RAB22A: variants seen among roughly 807,000 people sequenced by gnomAD.
RAB22A encodes the protein RAB22A, member RAS oncogene family.
A neutral mutation model predicts 30.2 loss-of-function variants in RAB22A; 13 were observed. The observed-to-expected ratio is 0.43, with a 90% CI of 0.28 to 0.68. The LOEUF is 0.68. RAB22A is among the 30% of genes least tolerant of loss of function. RAB22A has a pLI of 0.18. For missense variants in RAB22A, 177 were observed against 246.8 expected, an observed-to-expected ratio of 0.72 and a Z score of 1.89; for synonymous variants, 89 against 87.2, an observed-to-expected ratio of 1.02 and a Z score of -0.11.
At chr20:58,310,158 G>A in intron 1 of RAB22A, 146 bp downstream of exon 1, 2 of 823,118 alleles carry the variant, frequency 2.4e-6, no homozygotes, top group Non-Finnish European at 3.2e-6. Context: ...CAGCTCGGGA[G>A]CCGTCCCGCC....
Position 58,309,886 on chromosome 20 carries a change from G to A in RAB22A, c.-91G>A, listed in dbSNP as rs1369097266. On this transcript the variant is annotated 5_prime_UTR_variant, in exon 1 of 7. Transcript: ENST00000244040. The stretch of plus-strand genomic sequence containing the variant: ...GCGGACCGGGGCTGGGCCGTGCGGC[G>A]GCAGCGGCGCCAGGGGATGCTCTTG... 1.0e-5 allele frequency: 12 copies of A among 1,190,608 alleles called. No homozygotes were observed. Among genetic ancestry groups the A allele is most frequent in the Non-Finnish European group, 1.2e-5 (11 of 937,810 alleles). The allele number at this position is 1,190,608 out of a possible 1,614,324, so 73.8% of individuals were successfully genotyped here.
chr20:58,351,493 C>T (rs184761594), intron 3 of RAB22A, among the ~76,000 whole-genome samples: 13 of 151,618 alleles, frequency 8.6e-5, no homozygotes, highest in Admixed American at 3.9e-4. Flanking sequence ...AGGAAAAGAA[C>T]GGAGGAGCAG....
At chr20:58,314,057 T>C in intron 2 of RAB22A, among the ~76,000 whole-genome samples, 1 of 151,652 alleles carries the variant, frequency 6.6e-6, no homozygotes, top group East Asian at 1.9e-4. Flanking sequence ...CTTTTTCTTT[T>C]TTTTTTTTTG....
chr20:58,363,793 G>A lies in RAB22A; in HGVS notation c.*4090G>A, dbSNP rs2122979136. 1 of 152,148 alleles carries A rather than the reference G, an allele frequency of 6.6e-6. No homozygotes were observed. Among genetic ancestry groups the A allele is most frequent in the African/African-American group, 2.4e-5 (1 of 41,498 alleles). 9.4% of individuals were successfully genotyped at this position (152,148 alleles called of 1,614,324 possible). A position where few individuals can be genotyped will look rare whatever the true frequency, so the allele number is the denominator to read the frequency against. ...CAAAAGGATTTTTAAATGATTCAAG[G>A]TAATGTTTAGGATATTTGTTTTAAC... is the stretch of plus-strand genomic sequence containing the variant. On this transcript the variant is annotated 3_prime_UTR_variant, in exon 7 of 7. Transcript: ENST00000244040.
intron 2 of RAB22A, among the ~76,000 whole-genome samples, chr20:58,318,356 C>T (rs1986384807): frequency 6.6e-6 from 1 of 152,058 alleles, no homozygotes; most frequent in Non-Finnish European, 1.5e-5. Context: ...ATTTTTTCTC[C>T]AAATTTTTTC....
Position 58,350,933 on chromosome 20 carries a change from G to A in RAB22A, c.199-2340G>A, listed in dbSNP as rs369582657. ...ATAGTTTATAGCATATATAGATTTA[G>A]ATTATTTGACAGTGGTAGTACAAAG... On this transcript the variant is annotated intron_variant, in intron 3 of 6. Transcript: ENST00000244040. Among the ~76,000 whole-genome samples, 26 of 152,338 alleles carry A rather than the reference G, an allele frequency of 1.7e-4. No individual in the cohort carries two copies. The East Asian group carries it at 2.1e-3, about 12-fold the overall frequency.
Position 58,365,460 on chromosome 20 carries a change from A to G in RAB22A, c.*5757A>G, listed in dbSNP as rs1454583015. The G allele has an allele frequency of 6.6e-6, 1 of 152,238 alleles. No individual in the cohort carries two copies. Among genetic ancestry groups the G allele is most frequent in the Non-Finnish European group, 1.5e-5 (1 of 68,042 alleles). The allele number at this position is 152,238 out of a possible 1,614,324, so 9.4% of individuals were successfully genotyped here. ...AATTTTTAATTAAGTTTATACTTGAATAATCAGTTTTACTCCTGAAAAATT... is the reference window on the plus strand; with the variant it reads ...AATTTTTAATTAAGTTTATACTTGAGTAATCAGTTTTACTCCTGAAAAATT... On this transcript the variant is annotated 3_prime_UTR_variant, in exon 7 of 7. Transcript: ENST00000244040.
At chr20:58,348,382 A>G (rs1253120014) in intron 3 of RAB22A, among the ~76,000 whole-genome samples, 1 of 152,228 alleles carries the variant, frequency 6.6e-6, no homozygotes, top group African/African-American at 2.4e-5. Context: ...CACAGTAGTC[A>G]TGTAAGGAAT....
intron 3 of RAB22A, among the ~76,000 whole-genome samples, chr20:58,347,205 T>G (rs1463087614): frequency 2.6e-4 from 39 of 152,324 alleles, no homozygotes; most frequent in Non-Finnish European, 2.5e-4. Flanking sequence ...ACCTCCCCAT[T>G]TGACATCTTG....
intron 2 of RAB22A, among the ~76,000 whole-genome samples, chr20:58,323,127 A>G (rs1986491772): frequency 6.6e-6 from 1 of 152,204 alleles, no homozygotes; most frequent in Admixed American, 6.5e-5. Context: ...CATATATATT[A>G]GGATTCTTGA....
intron 6 of RAB22A, among the ~76,000 whole-genome samples, chr20:58,358,010 C>G (rs577353918): frequency 6.6e-6 from 1 of 152,316 alleles, no homozygotes; most frequent in Admixed American, 6.5e-5. Flanking sequence ...CCTAGAAGAG[C>G]TTAGGGTCTA....
rs1452643737 is a variant in RAB22A at position 58,309,793 on chromosome 20, G to A, written c.-184G>A. 1 of 439,918 alleles carries A rather than the reference G, an allele frequency of 2.3e-6. No individual in the cohort carries two copies. Among genetic ancestry groups the A allele is most frequent in the African/African-American group, 2.1e-5 (1 of 48,050 alleles). The allele number at this position is 439,918 out of a possible 1,614,324, so 27.3% of individuals were successfully genotyped here. A position where few individuals can be genotyped will look rare whatever the true frequency, so the allele number is the denominator to read the frequency against. On this transcript the variant is annotated 5_prime_UTR_variant, in exon 1 of 7. Transcript: ENST00000244040. ...GCGGCGGCGTCCCGGCTGCTAAGGCGGGCCCCACGCGGCTGGCAGCGGACA... is the reference window on the plus strand; with the variant it reads ...GCGGCGGCGTCCCGGCTGCTAAGGCAGGCCCCACGCGGCTGGCAGCGGACA...
chr20:58,310,275 C>T (rs993896325), intron 1 of RAB22A, among the ~76,000 whole-genome samples: 2 of 152,180 alleles, frequency 1.3e-5, no homozygotes, highest in African/African-American at 2.4e-5. Context: ...AACAGCCCCC[C>T]CTTGCCTCTC....
At chr20:58,341,330 T>A (rs1986850206) in intron 2 of RAB22A, among the ~76,000 whole-genome samples, 1 of 152,162 alleles carries the variant, frequency 6.6e-6, no homozygotes, top group African/African-American at 2.4e-5. Context: ...CGTAGAATCT[T>A]CATGGCCGTC....
At chr20:58,314,392 T>G (rs1196526590) in intron 2 of RAB22A, among the ~76,000 whole-genome samples, 1 of 152,076 alleles carries the variant, frequency 6.6e-6, no homozygotes, top group East Asian at 1.9e-4. Flanking sequence ...CCCTTTTCTG[T>G]GCTATGAAGG....
At chr20:58,349,631 G>A (rs1987010825) in intron 3 of RAB22A, among the ~76,000 whole-genome samples, 1 of 152,150 alleles carries the variant, frequency 6.6e-6, no homozygotes, top group Admixed American at 6.5e-5. Flanking sequence ...GTGTTACAGG[G>A]GATCACTAAA....
At chr20:58,352,279 C>G (rs994956866) in intron 3 of RAB22A, among the ~76,000 whole-genome samples, 1 of 152,150 alleles carries the variant, frequency 6.6e-6, no homozygotes, top group African/African-American at 2.4e-5. Context: ...ATCCATAGTT[C>G]TGTATGTGGT....
intron 1 of RAB22A, 121 bp downstream of exon 1, chr20:58,310,133 C>G (rs1420735157): frequency 9.8e-7 from 1 of 1,024,860 alleles, no homozygotes; most frequent in Non-Finnish European, 1.3e-6. Context: ...CTGCCAGCCC[C>G]GTGGACCCTC....
intron 2 of RAB22A, among the ~76,000 whole-genome samples, chr20:58,311,360 AATT>A (rs1876807223): frequency 6.6e-6 from 1 of 152,208 alleles, no homozygotes; most frequent in Non-Finnish European, 1.5e-5. Context: ...GAGTTCTACT[AATT>A]ATTAGAACAG....
Sources: gnomAD v4.1 joint callset for allele counts (sites outside exome capture counted in the v4.1 genomes callset) on GRCh38, gnomAD v4.1.1 for gene constraint, MANE v1.5 for transcripts, NCBI Gene and HGNC (gene_info 2026-07-23, HGNC 2026-07-21) for gene names.